Variants in GRM7 observed in about 807,000 individuals in gnomAD.
GRM7 encodes glutamate metabotropic receptor 7.
Under a neutral mutation model 84.5 loss-of-function variants are expected in GRM7, and 35 were observed. The ratio of observed to expected loss-of-function variants is 0.41; its 90% CI spans 0.32 to 0.55. The LOEUF (loss-of-function observed/expected upper bound fraction) is 0.55. Among genes scored for constraint, GRM7 ranks in the 20% least tolerant of loss-of-function variants. GRM7 has a pLI of 0.19. For missense variants in GRM7, 1,003 were observed against 1,194.6 expected, an observed-to-expected ratio of 0.84 and a Z score of 2.36; for synonymous variants, 487 against 455.1, an observed-to-expected ratio of 1.07 and a Z score of -0.89.
intron 2 of GRM7, among the ~76,000 whole-genome samples, chr3:7,182,896 GT>G (rs5846493): frequency 0.13 from 14,392 of 110,686 alleles, 1,805 homozygotes; most frequent in African/African-American, 0.38. Context: ...ACGTGAAAGT[GT>G]TTTTTTTTTT....
intron 1 of GRM7, among the ~76,000 whole-genome samples, chr3:6,899,833 A>G (rs1348845127): frequency 1.3e-5 from 2 of 152,228 alleles, no homozygotes; most frequent in Middle Eastern, 3.2e-3. Context: ...AGAGGTGAGC[A>G]AAGAGAACAT....
intron 8 of GRM7, among the ~76,000 whole-genome samples, chr3:7,644,474 C>A (rs1698529875): frequency 1.3e-5 from 2 of 152,122 alleles, no homozygotes; most frequent in South Asian, 4.1e-4. Flanking sequence ...TAGAGAGTAA[C>A]ATGATTTTTC....
intron 7 of GRM7, among the ~76,000 whole-genome samples, chr3:7,512,567 G>C (rs983542187): frequency 2.1e-5 from 3 of 140,416 alleles, no homozygotes; most frequent in African/African-American, 7.9e-5. Flanking sequence ...TAGGGATCTT[G>C]TTTATGTTTT....
intron 1 of GRM7, among the ~76,000 whole-genome samples, chr3:6,875,347 C>T (rs1225322192): frequency 2.6e-5 from 4 of 151,948 alleles, no homozygotes; most frequent in African/African-American, 9.7e-5. Flanking sequence ...TCCCCATGTG[C>T]TGAGGGCGGG....
intron 7 of GRM7, among the ~76,000 whole-genome samples, chr3:7,526,733 C>T (rs1700821334): frequency 6.6e-6 from 1 of 151,834 alleles, no homozygotes; most frequent in Non-Finnish European, 1.5e-5. Flanking sequence ...TAGTTTTATG[C>T]TCCTGCGTAT....
chr3:6,907,025 A>G (rs1023241515), intron 1 of GRM7, among the ~76,000 whole-genome samples: 2 of 152,110 alleles, frequency 1.3e-5, no homozygotes, highest in African/African-American at 4.8e-5. Flanking sequence ...TTTATAATCA[A>G]TAGTATGAAA....
Position 7,432,344 on chromosome 3 carries a change from C to T in GRM7, c.1174+17181C>T, listed in dbSNP as rs773639088. Reference sequence around the variant, plus strand: ...GTTTTTGTTTGTTTGTTTTGGAAACCGATTCTTGCTCTGTTGCCCAGGCTG... The same window carrying T: ...GTTTTTGTTTGTTTGTTTTGGAAACTGATTCTTGCTCTGTTGCCCAGGCTG... On this transcript the variant is annotated intron_variant, in intron 5 of 9. Coordinates refer to ENST00000357716, the MANE Select transcript of GRM7 (RefSeq NM_000844.4). Among the ~76,000 whole-genome samples the T allele has an allele frequency of 5.3e-5, 8 of 152,088 alleles. 1 individual carries two copies. Among genetic ancestry groups the T allele is most frequent in the Non-Finnish European group, 7.4e-5 (5 of 67,956 alleles).
At chr3:7,614,948 T>C (rs1697015533) in intron 8 of GRM7, among the ~76,000 whole-genome samples, 1 of 152,204 alleles carries the variant, frequency 6.6e-6, no homozygotes, top group Admixed American at 6.5e-5. Flanking sequence ...CTCTGAACTG[T>C]GATCTGACTT....
In GRM7 at chr3:7,087,138, G is replaced by A. The variant is rs555519664; in HGVS notation, c.520-59314G>A. On this transcript the variant is annotated intron_variant, in intron 1 of 9. Transcript: ENST00000357716. Reference sequence around the variant, plus strand: ...AAAACAACCTCCAAATGATTGATAAGCATGTGCTTTCTTCTTATGATTAAG... The same window carrying A: ...AAAACAACCTCCAAATGATTGATAAACATGTGCTTTCTTCTTATGATTAAG... Among the ~76,000 whole-genome samples, 29 of 152,178 alleles carry A rather than the reference G, an allele frequency of 1.9e-4. No individual in the cohort carries two copies. In the South Asian group the frequency reaches 6.0e-3, roughly 32 times the overall value.
intron 1 of GRM7, among the ~76,000 whole-genome samples, chr3:6,889,894 T>C (rs952410120): frequency 6.6e-6 from 1 of 152,204 alleles, no homozygotes; most frequent in African/African-American, 2.4e-5. Flanking sequence ...CTATTAATTA[T>C]TGCCACAATT....
At chr3:7,507,967 A>G (rs1470520378) in intron 7 of GRM7, among the ~76,000 whole-genome samples, 7 of 152,192 alleles carry the variant, frequency 4.6e-5, no homozygotes, top group African/African-American at 1.4e-4. Flanking sequence ...CTCTTCCTCT[A>G]TGCTTACTCC....
At chr3:7,196,733 A>G (rs1214571829) in intron 2 of GRM7, among the ~76,000 whole-genome samples, 2 of 151,922 alleles carry the variant, frequency 1.3e-5, no homozygotes, top group Non-Finnish European at 1.5e-5. Flanking sequence ...CTCTCATTAT[A>G]CTTGTCAAAA....
intron 2 of GRM7, among the ~76,000 whole-genome samples, chr3:7,284,505 G>T (rs886950399): frequency 1.3e-5 from 2 of 152,046 alleles, no homozygotes; most frequent in Non-Finnish European, 2.9e-5. Flanking sequence ...AATTTATCTT[G>T]CCTCTTTATC....
chr3:7,154,469 A>G (rs1275702195), intron 2 of GRM7, among the ~76,000 whole-genome samples: 1 of 152,146 alleles, frequency 6.6e-6, no homozygotes, highest in East Asian at 1.9e-4. Flanking sequence ...TCTGCCTGCC[A>G]TCATTGCACT....
chr3:6,909,842 T>C (rs575310089), intron 1 of GRM7, among the ~76,000 whole-genome samples: 2 of 152,108 alleles, frequency 1.3e-5, no homozygotes, highest in South Asian at 4.1e-4. Flanking sequence ...TTAAGGAAAA[T>C]AGTAAATTTT....
intron 4 of GRM7, among the ~76,000 whole-genome samples, chr3:7,353,188 C>T (rs114222490): frequency 8.7e-4 from 132 of 152,174 alleles, no homozygotes; most frequent in Middle Eastern, 3.4e-3. Context: ...ACTCAAGACG[C>T]AGCAGGTCCC....
chr3:7,268,295 TAA>T (rs149310773), intron 2 of GRM7, among the ~76,000 whole-genome samples: 1 of 146,348 alleles, frequency 6.8e-6, no homozygotes, highest in African/African-American at 2.5e-5. Flanking sequence ...ACAAAAAACT[TAA>T]AAAAAAAAAA....
intron 9 of GRM7, among the ~76,000 whole-genome samples, chr3:7,699,724 T>C (rs1701157722): frequency 1.3e-5 from 2 of 152,190 alleles, no homozygotes; most frequent in African/African-American, 2.4e-5. Flanking sequence ...AAGACTGCTA[T>C]GAGCATTTTG....
At chr3:7,412,478 C>T (rs1351774882) in intron 4 of GRM7, among the ~76,000 whole-genome samples, 3 of 152,174 alleles carry the variant, frequency 2.0e-5, no homozygotes, top group African/African-American at 7.2e-5. Context: ...AAGGTCACTT[C>T]CCAAATGAGA....
Sources: allele counts gnomAD v4.1 joint callset (sites outside exome capture counted in the v4.1 genomes callset), GRCh38; gene constraint gnomAD v4.1.1; transcripts MANE v1.5; gene names NCBI Gene and HGNC (gene_info 2026-07-23, HGNC 2026-07-21).